TMEM14A: variants seen among roughly 807,000 people sequenced by gnomAD.
The protein encoded by TMEM14A is transmembrane protein 14A.
Under a neutral mutation model 11.6 loss-of-function variants are expected in TMEM14A, and 8 were observed. The observed-to-expected ratio is 0.69, with a 90% CI of 0.40 to 1.24. The LOEUF is 1.24. Among genes scored for constraint, TMEM14A ranks in the 50% most tolerant of loss-of-function variants. The pLI, the probability that TMEM14A is intolerant of heterozygous loss-of-function variation, is 0.01. For missense variants in TMEM14A, 108 were observed against 121.9 expected, an observed-to-expected ratio of 0.89 and a Z score of 0.54; for synonymous variants, 34 against 45.5, an observed-to-expected ratio of 0.75 and a Z score of 1.02.
intron 4 of TMEM14A, 42 bp from the exon 5 acceptor site, chr6:52,685,967 TA>T: frequency 6.2e-7 from 1 of 1,600,248 alleles, no homozygotes; most frequent in East Asian, 2.2e-5. Flanking sequence ...TTATGCCAGA[TA>T]AAAGTGACTC....
At chr6:52,676,064 C>T (rs1489955740) in intron 1 of TMEM14A, among the ~76,000 whole-genome samples, 4 of 152,132 alleles carry the variant, frequency 2.6e-5, no homozygotes, top group Non-Finnish European at 4.4e-5. Flanking sequence ...TGTAGTGTCA[C>T]AGTTCAGTGA....
At chr6:52,684,549 G>A (rs962178639) in intron 4 of TMEM14A, among the ~76,000 whole-genome samples, 3 of 152,196 alleles carry the variant, frequency 2.0e-5, no homozygotes, top group African/African-American at 4.8e-5. Context: ...GTTATTTCAA[G>A]TTTTTAAGGG....
At chr6:52,681,314 T>C (rs1439424585) in intron 2 of TMEM14A, among the ~76,000 whole-genome samples, 2 of 152,168 alleles carry the variant, frequency 1.3e-5, no homozygotes, top group Non-Finnish European at 2.9e-5. Context: ...TCCTGACATC[T>C]TGAGGCATGA....
chr6:52,680,676 T>TATATATAC (rs1171490101), intron 2 of TMEM14A, among the ~76,000 whole-genome samples: 7 of 82,194 alleles, frequency 8.5e-5, no homozygotes, highest in African/African-American at 3.0e-4. Flanking sequence ...TGTGTATATA[T>TATATATAC]ATATATACAT....
At chr6:52,679,444 CAG>C (rs3839429) in intron 2 of TMEM14A, among the ~76,000 whole-genome samples, 2 of 152,304 alleles carry the variant, frequency 1.3e-5, no homozygotes, top group East Asian at 1.9e-4. Flanking sequence ...GCAATCCCTT[CAG>C]AGAGGTGCAG....
intron 1 of TMEM14A, among the ~76,000 whole-genome samples, chr6:52,673,845 AT>A (rs1163819930): frequency 1.3e-5 from 2 of 152,250 alleles, no homozygotes; most frequent in Non-Finnish European, 2.9e-5. Context: ...GGTATGATTC[AT>A]TAACTAAATT....
rs996821851 is a variant in TMEM14A, at chr6:52,671,265, A to G, written c.-17+20A>G. 3 of 152,274 alleles carry G rather than the reference A, an allele frequency of 2.0e-5. No individual in the cohort carries two copies. The highest frequency in any genetic ancestry group is 2.9e-5 in the Non-Finnish European group (2 of 68,056). 9.4% of individuals were successfully genotyped at this position (152,274 alleles called of 1,614,324 possible). On this transcript the variant is annotated intron_variant, in intron 1 of 4. Coordinates refer to ENST00000211314, the MANE Select transcript of TMEM14A (RefSeq NM_014051.4). Reference sequence around the variant, plus strand: ...CTGCAGGTGAGCTGTGCATCCCGCAATGGAGACCTTCCTGCTCTGAATTTT... The same window carrying G: ...CTGCAGGTGAGCTGTGCATCCCGCAGTGGAGACCTTCCTGCTCTGAATTTT...
chr6:52,674,709 C>T (rs1769222876), intron 1 of TMEM14A, among the ~76,000 whole-genome samples: 1 of 152,066 alleles, frequency 6.6e-6, no homozygotes, highest in African/African-American at 2.4e-5. Flanking sequence ...CCTACTGTAC[C>T]ACTTCTCGGC....
intron 1 of TMEM14A, among the ~76,000 whole-genome samples, chr6:52,676,435 C>T (rs1414254265): frequency 6.6e-6 from 1 of 152,050 alleles, no homozygotes; most frequent in Non-Finnish European, 1.5e-5. Flanking sequence ...TGTATTTTTA[C>T]TAGAGATGGG....
intron 2 of TMEM14A, 82 bp downstream of exon 2, chr6:52,677,254 G>A (rs940849680): frequency 1.4e-6 from 2 of 1,465,428 alleles, no homozygotes; most frequent in Admixed American, 3.4e-5. Flanking sequence ...TCTGTAAGTA[G>A]GATGAGAAGC....
At chr6:52,680,774 C>G (rs999282880) in intron 2 of TMEM14A, among the ~76,000 whole-genome samples, 1 of 138,866 alleles carries the variant, frequency 7.2e-6, no homozygotes, top group African/African-American at 2.7e-5. Context: ...GGCTAAGTGA[C>G]TTAGCCAGAG....
chr6:52,680,682 T>TACATATATGTATATATATATATATAC (rs1769365189), intron 2 of TMEM14A, among the ~76,000 whole-genome samples: 3 of 50,778 alleles, frequency 5.9e-5, no homozygotes, highest in African/African-American at 2.0e-4. Context: ...TATATATATA[T>TACATATATGTATATATATATATATAC]ACATATATGT....
chr6:52,682,598 T>G (rs1250019136), intron 3 of TMEM14A, among the ~76,000 whole-genome samples: 1 of 18,242 alleles, frequency 5.5e-5, no homozygotes, highest in Admixed American at 5.9e-4. Flanking sequence ...GATTTGGGGT[T>G]TTTTTTTTTT....
intron 2 of TMEM14A, among the ~76,000 whole-genome samples, chr6:52,680,704 T>TGTATATATATATACACAC: frequency 2.0e-5 from 1 of 51,108 alleles, no homozygotes; most frequent in South Asian, 8.2e-4. Flanking sequence ...TATATATATA[T>TGTATATATATATACACAC]ACACATATAT....
intron 1 of TMEM14A, among the ~76,000 whole-genome samples, chr6:52,675,259 A>G (rs1296984320): frequency 2.6e-5 from 4 of 152,216 alleles, no homozygotes; most frequent in Non-Finnish European, 5.9e-5. Flanking sequence ...ATGATAAGCA[A>G]TGAGAAAATT....
At position 52,684,063 on chromosome 6, in the gene TMEM14A, T is replaced by G; in HGVS notation, c.173-15T>G. ...ATGTTTGAAACTCTGGTTCATGAAT[T>G]AGTTTGGTTTTCAGTTACAGCTTTC... On this transcript the variant is annotated splice_polypyrimidine_tract_variant and intron_variant, in intron 3 of 4. Transcript: ENST00000211314. The G allele has an allele frequency of 7.5e-6, 12 of 1,609,452 alleles. No homozygotes were observed. The highest frequency in any genetic ancestry group is 1.0e-5 in the Non-Finnish European group (12 of 1,178,132).
intron 2 of TMEM14A, among the ~76,000 whole-genome samples, chr6:52,681,555 T>G (rs1175292497): frequency 2.0e-5 from 3 of 152,232 alleles, no homozygotes; most frequent in Non-Finnish European, 2.9e-5. Flanking sequence ...GCAGGTTTTC[T>G]TATTTCCCCA....
At chr6:52,685,027 TA>T (rs754833386) in intron 4 of TMEM14A, among the ~76,000 whole-genome samples, 1 of 152,176 alleles carries the variant, frequency 6.6e-6, no homozygotes, top group African/African-American at 2.4e-5. Flanking sequence ...TAATAAGGTA[TA>T]AAAACAGGAT....
At position 52,680,704 on chromosome 6, in the gene TMEM14A, T is replaced by TATATATATATATACACACAC. The variant is rs371102796; in HGVS notation, c.71-1108_71-1107insTATATATATATACACACACA. On this transcript the variant is annotated intron_variant, in intron 2 of 4. Transcript: ENST00000211314. ...ATATACATATATGTATATATATATA[T>TATATATATATATACACACAC]ACACATATATATATGGCATGGATGA... is the stretch of plus-strand genomic sequence containing the variant. Among the ~76,000 whole-genome samples, 9 of 51,106 alleles carry TATATATATATATACACACAC rather than the reference T, an allele frequency of 1.8e-4. 1 individual carries two copies. Among genetic ancestry groups the TATATATATATATACACACAC allele is most frequent in the Non-Finnish European group, 3.5e-4 (8 of 22,630 alleles). The allele number at this position is 51,106 out of a possible 152,430, so 33.5% of individuals were successfully genotyped here.
Sources: allele counts gnomAD v4.1 joint callset (sites outside exome capture counted in the v4.1 genomes callset), GRCh38; gene constraint gnomAD v4.1.1; transcripts MANE v1.5; gene names NCBI Gene and HGNC (gene_info 2026-07-23, HGNC 2026-07-21).